The following DOCK4 variants were observed in gnomAD, a reference collection of about 807,000 sequenced individuals.
The protein encoded by DOCK4 is dedicator of cytokinesis 4.
Under a neutral mutation model 268.1 loss-of-function variants are expected in DOCK4, and 97 were observed. The ratio of observed to expected loss-of-function variants is 0.36; its 90% CI spans 0.31 to 0.43. The LOEUF (loss-of-function observed/expected upper bound fraction) is 0.43, where lower values mean the gene tolerates loss of function less well. Among genes scored for constraint, DOCK4 ranks in the 20% least tolerant of loss-of-function variants. DOCK4 has a pLI of 1.00. For synonymous variants in DOCK4, 954 were observed against 887.2 expected, an observed-to-expected ratio of 1.08 and a Z score of -1.34; for missense variants, 2,145 against 2,455.7, an observed-to-expected ratio of 0.87 and a Z score of 2.67.
At chr7:111,947,301 G>T (rs1795694043) in intron 8 of DOCK4, among the ~76,000 whole-genome samples, 1 of 152,204 alleles carries the variant, frequency 6.6e-6, no homozygotes, top group African/African-American at 2.4e-5. Flanking sequence ...ATTTATGGCT[G>T]TTTTGGAACA....
At chr7:111,748,024 G>A (rs929990158) in intron 42 of DOCK4, among the ~76,000 whole-genome samples, 4 of 152,196 alleles carry the variant, frequency 2.6e-5, no homozygotes, top group African/African-American at 9.6e-5. Context: ...GGATCTATTT[G>A]TTGGAGAGCC....
chr7:112,156,044 C>G (rs955872930), intron 1 of DOCK4, among the ~76,000 whole-genome samples: 1 of 152,186 alleles, frequency 6.6e-6, no homozygotes, highest in Admixed American at 6.5e-5. Flanking sequence ...TTTCACAGGG[C>G]TCGCAGACCT....
At chr7:112,081,111 G>T (rs747502097) in intron 1 of DOCK4, among the ~76,000 whole-genome samples, 10 of 152,076 alleles carry the variant, frequency 6.6e-5, no homozygotes, top group Non-Finnish European at 1.3e-4. Flanking sequence ...CAAAAATACT[G>T]AGACAGGAAG....
At chr7:111,748,708 A>ATATG (rs140983495) in intron 42 of DOCK4, among the ~76,000 whole-genome samples, 136 of 782 alleles carry the variant, frequency 0.17, no homozygotes, top group Admixed American at 0.41. Flanking sequence ...ATATATATAC[A>ATATG]TGTGTGTGTG....
At chr7:112,089,346 T>C (rs1260508062) in intron 1 of DOCK4, among the ~76,000 whole-genome samples, 3 of 152,098 alleles carry the variant, frequency 2.0e-5, no homozygotes, top group African/African-American at 7.2e-5. Flanking sequence ...CTTATTGTAC[T>C]TTGCCCTGTT....
At chr7:111,873,472 G>A (rs902582199) in intron 17 of DOCK4, among the ~76,000 whole-genome samples, 1 of 152,166 alleles carries the variant, frequency 6.6e-6, no homozygotes, top group African/African-American at 2.4e-5. Context: ...CTGGCCTCAG[G>A]GCTCAGTGGA....
chr7:112,031,230 T>G (rs562207061), intron 1 of DOCK4, among the ~76,000 whole-genome samples: 1 of 152,322 alleles, frequency 6.6e-6, no homozygotes, highest in Admixed American at 6.5e-5. Flanking sequence ...AGGATGGCCT[T>G]CAGCCCAGTG....
At chr7:111,860,901 G>A (rs1361817026) in intron 23 of DOCK4, among the ~76,000 whole-genome samples, 1 of 152,192 alleles carries the variant, frequency 6.6e-6, no homozygotes, top group Admixed American at 6.5e-5. Flanking sequence ...ATTGCTCAGA[G>A]GCAATGAACA....
rs995779167 is a variant in DOCK4 at position 111,783,804 on chromosome 7, TAACTGGAGTTCAGCATG to T, written c.3524+36_3524+52del. The T allele has an allele frequency of 1.5e-4, 220 of 1,451,322 alleles. 3 individuals are homozygous for T. The African/African-American group carries it at 1.8e-3, about 12-fold the overall frequency. 89.9% of individuals were successfully genotyped at this position (1,451,322 alleles called of 1,614,324 possible). On this transcript the variant is annotated intron_variant, in intron 34 of 52. Coordinates refer to ENST00000428084, the MANE Select transcript of DOCK4 (RefSeq NM_001363540.2). ...GTTGATTGTATTCTATTTGATTTTC[TAACTGGAGTTCAGCATG>T]AACTGGAGTTCAGAAAAACATGCGA...
chr7:111,768,435 C>T (rs1016634141), intron 37 of DOCK4, among the ~76,000 whole-genome samples: 1 of 152,084 alleles, frequency 6.6e-6, no homozygotes, highest in African/African-American at 2.4e-5. Context: ...TTACGTGTAC[C>T]CAATTATATT....
At chr7:111,825,806 A>C (rs1278407251) in intron 26 of DOCK4, among the ~76,000 whole-genome samples, 2 of 152,204 alleles carry the variant, frequency 1.3e-5, no homozygotes, top group Non-Finnish European at 2.9e-5. Context: ...CAAGTAAGAG[A>C]GAGGTTCAAG....
At chr7:112,108,484 G>A (rs1811333951) in intron 1 of DOCK4, among the ~76,000 whole-genome samples, 1 of 152,144 alleles carries the variant, frequency 6.6e-6, no homozygotes, top group Admixed American at 6.5e-5. Context: ...ACAAGAGAGT[G>A]TAATATTTTA....
At chr7:111,728,946 A>G (rs941164565) in intron 52 of DOCK4, among the ~76,000 whole-genome samples, 4 of 152,184 alleles carry the variant, frequency 2.6e-5, no homozygotes, top group Non-Finnish European at 5.9e-5. Flanking sequence ...ACACACAGGG[A>G]GACGTCAGGA....
intron 1 of DOCK4, among the ~76,000 whole-genome samples, chr7:112,165,839 G>C (rs565329049): frequency 6.6e-6 from 1 of 152,174 alleles, no homozygotes; most frequent in Admixed American, 6.5e-5. Flanking sequence ...GTTGATCAAA[G>C]AACCCTACTG....
rs554360173 is a variant in DOCK4, at chr7:112,065,887, A to C, written c.38-61756T>G. On this transcript the variant is annotated intron_variant, in intron 1 of 52. Transcript: ENST00000428084. ...CCATTTGATGTAATGCCAGACATCC[A>C]AAATGGAGCTTCTGTCCAAGGATCA... is the stretch of plus-strand genomic sequence containing the variant. Among the ~76,000 whole-genome samples the C allele has an allele frequency of 2.0e-5, 3 of 152,344 alleles. No homozygotes were observed. In the East Asian group the frequency reaches 5.8e-4, roughly 29 times the overall value.
chr7:112,201,869 G>T (rs1299887412), intron 1 of DOCK4, among the ~76,000 whole-genome samples: 1 of 152,014 alleles, frequency 6.6e-6, no homozygotes, highest in Non-Finnish European at 1.5e-5. Flanking sequence ...CCAGACTCTG[G>T]CAACCATCAC....
At chr7:111,991,004 G>C (rs547221491) in intron 5 of DOCK4, among the ~76,000 whole-genome samples, 33 of 152,274 alleles carry the variant, frequency 2.2e-4, no homozygotes, top group African/African-American at 7.5e-4. Context: ...AATTATATAA[G>C]CAAGTTATTA....
intron 1 of DOCK4, among the ~76,000 whole-genome samples, chr7:112,059,435 C>A (rs570504551): frequency 1.3e-5 from 2 of 152,254 alleles, no homozygotes; most frequent in East Asian, 3.9e-4. Flanking sequence ...AGCCACCACC[C>A]CACCCGCGTT....
chr7:111,814,600 C>T (rs1434292629), intron 27 of DOCK4, among the ~76,000 whole-genome samples: 2 of 152,138 alleles, frequency 1.3e-5, no homozygotes, highest in East Asian at 1.9e-4. Flanking sequence ...CAAGCTCCAG[C>T]GGATGCTAAT....
Sources: gnomAD v4.1 joint callset for allele counts (sites outside exome capture counted in the v4.1 genomes callset) on GRCh38, gnomAD v4.1.1 for gene constraint, MANE v1.5 for transcripts, NCBI Gene and HGNC (gene_info 2026-07-23, HGNC 2026-07-21) for gene names.